NMT2: variants seen among roughly 807,000 people sequenced by gnomAD.
NMT2 encodes glycylpeptide N-tetradecanoyltransferase 2.
NMT2 carries 35 observed loss-of-function variants against 65.4 expected under a neutral mutation model. That is an observed-to-expected ratio of 0.54 (90% CI 0.41 to 0.71). The LOEUF (loss-of-function observed/expected upper bound fraction) is 0.71, where lower values mean the gene tolerates loss of function less well. Ranked by LOEUF, NMT2 falls within the 30% of genes least tolerant of loss-of-function variation. The pLI is 0.00. For missense variants in NMT2, 489 were observed against 611.3 expected (o/e 0.80, Z 2.11); for synonymous variants, 226 against 231.8 (o/e 0.98, Z 0.23).
intron 1 of NMT2, among the ~76,000 whole-genome samples, chr10:15,164,138 G>A (rs1263570868): frequency 3.5e-5 from 5 of 142,436 alleles, no homozygotes; most frequent in Admixed American, 7.4e-5. Context: ...AGCCGAGATC[G>A]CGCCACTGCA....
intron 9 of NMT2, among the ~76,000 whole-genome samples, chr10:15,116,258 A>G (rs1420603323): frequency 6.6e-6 from 1 of 152,198 alleles, no homozygotes; most frequent in African/African-American, 2.4e-5. Context: ...ATCAAACTAG[A>G]AATCTGTAAT....
Position 15,154,882 on chromosome 10 carries a change from T to G in NMT2, c.111-13325A>C, listed in dbSNP as rs779249574. 3 of 834,230 alleles carry G rather than the reference T, an allele frequency of 3.6e-6. No individual in the cohort carries two copies. The South Asian group carries it at 3.9e-5, about 11-fold the overall frequency. 51.7% of individuals were successfully genotyped at this position (834,230 alleles called of 1,614,324 possible). On this transcript the variant is annotated intron_variant, in intron 1 of 11. Transcript: ENST00000378165. ...CCATAGCGCTTCATGGCCTCCACAA[T>G]CTTGATGCCTTCTTTCACCCTGCCA... is the stretch of plus-strand genomic sequence containing the variant.
intron 9 of NMT2, among the ~76,000 whole-genome samples, chr10:15,114,875 C>T (rs531936098): frequency 7.2e-5 from 11 of 152,122 alleles, no homozygotes; most frequent in East Asian, 3.9e-4. Flanking sequence ...TGGTGGCATG[C>T]GCCTGTAGTT....
Position 15,141,465 on chromosome 10 carries a change from G to T in NMT2, c.203C>A (p.Ser68Ter). Residue 68 changes from serine to a stop codon, truncating the protein, a stop_gained, in exon 2 of 12, where the codon TCG becomes TAG. Transcript: ENST00000378165. LOFTEE classifies it high-confidence loss of function. ...TTTAATCTCCTGGGAATCAGATGCC[G>T]AGTCTGACTTGGTGCCTCCGGAATT... is the stretch of plus-strand genomic sequence containing the variant. ...KPNSGGTKSDSASDSQEIKIQ... is the reference protein window; with the variant it reads ...KPNSGGTKSD The T allele has an allele frequency of 6.2e-7, 1 of 1,614,206 alleles. No individual in the cohort carries two copies. Among genetic ancestry groups the T allele is most frequent in the Non-Finnish European group, 8.5e-7 (1 of 1,180,034 alleles).
intron 2 of NMT2, among the ~76,000 whole-genome samples, chr10:15,139,577 G>C (rs956468684): frequency 6.6e-6 from 1 of 151,922 alleles, no homozygotes; most frequent in East Asian, 1.9e-4. Flanking sequence ...GCTTATGGTG[G>C]TATCCTCTAT....
rs1223784066 is a variant in NMT2 at position 15,106,175 on chromosome 10, G to A, written c.*3020C>T. ...TGTCCGGCTAGTTTTTGTAATTTTAGTAGAGATAGGGCTTCACCATGTTGG... is the reference window on the plus strand; with the variant it reads ...TGTCCGGCTAGTTTTTGTAATTTTAATAGAGATAGGGCTTCACCATGTTGG... On this transcript the variant is annotated 3_prime_UTR_variant, in exon 12 of 12. Transcript: ENST00000378165. 1 of 240,302 alleles carries A rather than the reference G, an allele frequency of 4.2e-6. No individual in the cohort carries two copies. The highest frequency in any genetic ancestry group is 8.6e-6 in the Non-Finnish European group (1 of 116,604). The allele number at this position is 240,302 out of a possible 1,614,324, so 14.9% of individuals were successfully genotyped here. A position where few individuals can be genotyped will look rare whatever the true frequency, so the allele number is the denominator to read the frequency against.
intron 9 of NMT2, among the ~76,000 whole-genome samples, chr10:15,117,689 C>T (rs1397981633): frequency 6.6e-6 from 1 of 151,256 alleles, no homozygotes; most frequent in Non-Finnish European, 1.5e-5. Context: ...GTGATTTCAG[C>T]ACTGTGGTAG....
In NMT2 at chr10:15,133,366, G is replaced by C. The variant is rs1238092007; in HGVS notation, c.392-3C>G. On this transcript the variant is annotated splice_polypyrimidine_tract_variant and splice_region_variant and intron_variant, in intron 3 of 11. Coordinates refer to ENST00000378165, the MANE Select transcript of NMT2 (RefSeq NM_004808.3). ...ACCATGAGATGTTATGACTTCATCT[G>C]AACAGGGAGAGAAAGAGAAAAAAGA... is the stretch of plus-strand genomic sequence containing the variant. 1.3e-6 allele frequency: 2 copies of C among 1,586,304 alleles called. No individual in the cohort carries two copies. Among genetic ancestry groups the C allele is most frequent in the South Asian group, 2.2e-5 (2 of 90,444 alleles).
Position 15,106,561 on chromosome 10 carries a change from A to G in NMT2, c.*2634T>C, listed in dbSNP as rs2131444793. 7.1e-6 allele frequency: 5 copies of G among 708,742 alleles called. No individual in the cohort carries two copies. Among genetic ancestry groups the G allele is most frequent in the Non-Finnish European group, 8.7e-6 (5 of 577,154 alleles). 43.9% of individuals were successfully genotyped at this position (708,742 alleles called of 1,614,324 possible). On this transcript the variant is annotated 3_prime_UTR_variant, in exon 12 of 12. Transcript: ENST00000378165. ...TTATCTCCAAGAGAGGTCCTATATT[A>G]TGTACTACTGTGGGGCCCAGTCGCC...
intron 2 of NMT2, among the ~76,000 whole-genome samples, chr10:15,140,705 G>A (rs1361025436): frequency 1.3e-5 from 2 of 152,066 alleles, no homozygotes; most frequent in Non-Finnish European, 2.9e-5. Context: ...TTCACTGTGA[G>A]TTTCTTGCAT....
rs746452917 is a variant in NMT2, at chr10:15,108,375, T to C, written c.*820A>G. ...CTAATTTTTGTATTTTTAGTAGAGATGGGGTTTCACTATGTTGGCCAGAAT... is the reference window on the plus strand; with the variant it reads ...CTAATTTTTGTATTTTTAGTAGAGACGGGGTTTCACTATGTTGGCCAGAAT... On this transcript the variant is annotated 3_prime_UTR_variant, in exon 12 of 12. Coordinates refer to ENST00000378165, the MANE Select transcript of NMT2 (RefSeq NM_004808.3). The C allele has an allele frequency of 3.4e-5, 17 of 503,122 alleles. No individual in the cohort carries two copies. The highest frequency in any genetic ancestry group is 6.4e-5 in the Admixed American group (1 of 15,614). 31.2% of individuals were successfully genotyped at this position (503,122 alleles called of 1,614,324 possible). A position where few individuals can be genotyped will look rare whatever the true frequency, so the allele number is the denominator to read the frequency against.
chr10:15,114,669 C>G (rs973804754), intron 9 of NMT2, among the ~76,000 whole-genome samples: 3 of 152,212 alleles, frequency 2.0e-5, no homozygotes, highest in Non-Finnish European at 4.4e-5. Context: ...AAATTAATGG[C>G]CAACCTCAGT....
intron 10 of NMT2, among the ~76,000 whole-genome samples, chr10:15,110,176 G>A (rs1358406615): frequency 6.6e-6 from 1 of 152,226 alleles, no homozygotes; most frequent in Non-Finnish European, 1.5e-5. Flanking sequence ...AGGAGGCTGA[G>A]GCAGGAGAAC....
chr10:15,109,523 A>T (rs1031408258), intron 11 of NMT2, among the ~76,000 whole-genome samples, 179 bp downstream of exon 11: 1 of 152,188 alleles, frequency 6.6e-6, no homozygotes, highest in Non-Finnish European at 1.5e-5. Flanking sequence ...GTGAGCTGAG[A>T]TCATGCCATT....
Position 15,133,349 on chromosome 10 carries a change from A to G in NMT2, c.406T>C (p.Ser136Pro), listed in dbSNP as rs1257223164. ...PVPKLDEVIT[S>P]HGAIEPDKDN... ...TTATCTGGTTCAATTGCACCATGAG[A>G]TGTTATGACTTCATCTGAACAGGGA... is the stretch of plus-strand genomic sequence containing the variant. The change falls in exon 4 of 12, where the codon TCT becomes CCT. Residue 136 changes from serine (S) to proline (P), a missense_variant. By Grantham distance (74) the Ser-to-Pro change is moderately conservative. Transcript: ENST00000378165. 6.2e-7 allele frequency: 1 copy of G among 1,611,156 alleles called. No individual in the cohort carries two copies. The highest frequency in any genetic ancestry group is 8.5e-7 in the Non-Finnish European group (1 of 1,177,268).
chr10:15,129,907 C>CAAAAAAAAAAAAAAAAAA (rs753710829), intron 7 of NMT2, among the ~76,000 whole-genome samples: 3 of 57,204 alleles, frequency 5.2e-5, no homozygotes, highest in Non-Finnish European at 7.6e-5. Flanking sequence ...GAGTCTGCCT[C>CAAAAAAAAAAAAAAAAAA]AAAAAAAAAA....
At chr10:15,144,845 C>T (rs1342081106) in intron 1 of NMT2, among the ~76,000 whole-genome samples, 2 of 152,154 alleles carry the variant, frequency 1.3e-5, no homozygotes, top group Non-Finnish European at 1.5e-5. Context: ...GCTGACAGTT[C>T]CTCAAAACAC....
chr10:15,168,491 C>A lies in NMT2; in HGVS notation c.110+12G>T. The stretch of plus-strand genomic sequence containing the variant: ...CCCTGTCGCGCCCGGTGCGCCAGCG[C>A]GCCGCCCCTACCCTTTGGCGTGCTC... On this transcript the variant is annotated intron_variant, in intron 1 of 11. Coordinates refer to ENST00000378165, the MANE Select transcript of NMT2 (RefSeq NM_004808.3). 1 of 1,573,230 alleles carries A rather than the reference C, an allele frequency of 6.4e-7. No homozygotes were observed.
At chr10:15,165,875 CA>C (rs34031754) in intron 1 of NMT2, among the ~76,000 whole-genome samples, 3,308 of 94,824 alleles carry the variant, frequency 0.035, 65 homozygotes, top group African/African-American at 0.073. Flanking sequence ...AAGACTGTCT[CA>C]AAAAAAAAAA....
Sources: gnomAD v4.1 joint callset for allele counts (sites outside exome capture counted in the v4.1 genomes callset) on GRCh38, gnomAD v4.1.1 for gene constraint, MANE v1.5 for transcripts, NCBI Gene and HGNC (gene_info 2026-07-23, HGNC 2026-07-21) for gene names.